Variants in RALGPS1 observed in about 807,000 individuals in gnomAD.
RALGPS1 encodes the protein Ral GEF with PH domain and SH3 binding motif 1.
Under a neutral mutation model 78.8 loss-of-function variants are expected in RALGPS1, and 19 were observed. The observed-to-expected ratio is 0.24, with a 90% CI of 0.17 to 0.35. RALGPS1 has a LOEUF of 0.35. Ranked by LOEUF, RALGPS1 falls within the 10% of genes least tolerant of loss-of-function variation. The probability of loss-of-function intolerance (pLI) is 1.00; values close to 1 mark genes in which losing one functional copy is unlikely to be tolerated. For synonymous variants in RALGPS1, 228 were observed against 256.3 expected (o/e 0.89, Z 1.06); for missense variants, 454 against 688.3 (o/e 0.66, Z 3.81).
At chr9:126,979,543 C>G (rs2041037480) in intron 4 of RALGPS1, among the ~76,000 whole-genome samples, 1 of 152,162 alleles carries the variant, frequency 6.6e-6, no homozygotes, top group Non-Finnish European at 1.5e-5. Context: ...CTTTATTCTT[C>G]ATCCGAACAT....
intron 11 of RALGPS1, among the ~76,000 whole-genome samples, chr9:127,186,851 A>T (rs1027442844): frequency 6.6e-6 from 1 of 152,176 alleles, no homozygotes; most frequent in African/African-American, 2.4e-5. Flanking sequence ...CCGAAAGAAG[A>T]GGTGGCAGAT....
intron 4 of RALGPS1, among the ~76,000 whole-genome samples, chr9:126,983,140 T>C (rs2041481789): frequency 6.6e-6 from 1 of 151,888 alleles, no homozygotes; most frequent in East Asian, 1.9e-4. Flanking sequence ...TTTCACCACG[T>C]TGGCCAGGCT....
intron 7 of RALGPS1, among the ~76,000 whole-genome samples, chr9:127,061,823 G>A (rs551049949): frequency 6.8e-4 from 104 of 152,200 alleles, no homozygotes; most frequent in African/African-American, 2.2e-3. Flanking sequence ...TATATTTGGT[G>A]CCTGACTCTC....
At chr9:126,983,592 A>T (rs2041524794) in intron 4 of RALGPS1, among the ~76,000 whole-genome samples, 1 of 152,108 alleles carries the variant, frequency 6.6e-6, no homozygotes, top group Non-Finnish European at 1.5e-5. Context: ...TCAAAAACAA[A>T]CAAAACCCAC....
Position 127,175,799 on chromosome 9 carries a change from G to T in RALGPS1, c.910+1017G>T, listed in dbSNP as rs1459448667. Among the ~76,000 whole-genome samples, 8 of 151,334 alleles carry T rather than the reference G, an allele frequency of 5.3e-5. No individual in the cohort carries two copies. The Admixed American group carries it at 5.3e-4, about 10-fold the overall frequency. On this transcript the variant is annotated intron_variant, in intron 11 of 18. Coordinates refer to ENST00000259351, the MANE Select transcript of RALGPS1 (RefSeq NM_014636.3). ...AGGCACTCGGCTCAGAGTCTGATGT[G>T]CCCTGTTTGTAAGGGGGTGGCTGCT...
intron 3 of RALGPS1, among the ~76,000 whole-genome samples, chr9:126,966,184 G>A (rs1303642578): frequency 3.3e-5 from 5 of 152,164 alleles, no homozygotes; most frequent in Admixed American, 6.5e-5. Context: ...TGTGAAAGGA[G>A]CAGACTAAAG....
At chr9:126,940,307 C>T (rs569068626) in intron 1 of RALGPS1, among the ~76,000 whole-genome samples, 64 of 152,202 alleles carry the variant, frequency 4.2e-4, no homozygotes, top group African/African-American at 1.3e-3. Flanking sequence ...CATTATAAAC[C>T]TATGATTGAA....
intron 1 of RALGPS1, among the ~76,000 whole-genome samples, chr9:126,960,374 C>T (rs1335860910): frequency 6.6e-6 from 1 of 151,704 alleles, no homozygotes; most frequent in Non-Finnish European, 1.5e-5. Flanking sequence ...GCTGGGACTA[C>T]AGGCGCCTGC....
chr9:127,113,461 G>T (rs1021820264), intron 8 of RALGPS1, among the ~76,000 whole-genome samples: 4 of 151,308 alleles, frequency 2.6e-5, no homozygotes, highest in African/African-American at 9.7e-5. Context: ...TTGCTCTCTT[G>T]ATATTTATTC....
intron 1 of RALGPS1, among the ~76,000 whole-genome samples, chr9:126,947,652 TCC>T (rs1374389358): frequency 6.6e-6 from 1 of 152,132 alleles, no homozygotes; most frequent in African/African-American, 2.4e-5. Context: ...TGGTTCTCTG[TCC>T]CCTAAGCCAC....
chr9:127,023,245 A>G (rs1177166022), intron 4 of RALGPS1, among the ~76,000 whole-genome samples: 1 of 152,224 alleles, frequency 6.6e-6, no homozygotes, highest in Admixed American at 6.5e-5. Flanking sequence ...AAAGCAGGAA[A>G]GTCCAGTTGT....
At chr9:126,950,612 A>G (rs1361176413) in intron 1 of RALGPS1, among the ~76,000 whole-genome samples, 1 of 152,094 alleles carries the variant, frequency 6.6e-6, no homozygotes, top group East Asian at 1.9e-4. Context: ...GTTCTTTGAA[A>G]CCAACGAGAA....
chr9:127,183,860 T>C lies in RALGPS1; in HGVS notation c.910+9078T>C. The C allele has an allele frequency of 1.3e-6, 2 of 1,546,852 alleles. No homozygotes were observed. The highest frequency in any genetic ancestry group is 1.7e-6 in the Non-Finnish European group (2 of 1,145,904). ...CTCTGGGATTTCACATCTCCTTTGT[T>C]CTTGAGTCTCCCATCTCAGCAGCCT... is the stretch of plus-strand genomic sequence containing the variant. On this transcript the variant is annotated intron_variant, in intron 11 of 18. Transcript: ENST00000259351. This position sits in a 1 kb window ranked among gnomAD's most constrained non-coding sequence, Gnocchi z 4.0.
chr9:127,031,751 G>A (rs2046449488), intron 4 of RALGPS1, among the ~76,000 whole-genome samples: 1 of 152,158 alleles, frequency 6.6e-6, no homozygotes, highest in Non-Finnish European at 1.5e-5. Context: ...CAAACATAAT[G>A]TTTTACTCTG....
At chr9:127,154,087 C>T (rs2058581496) in intron 8 of RALGPS1, among the ~76,000 whole-genome samples, 1 of 152,252 alleles carries the variant, frequency 6.6e-6, no homozygotes, top group Non-Finnish European at 1.5e-5. Flanking sequence ...CACACAAGAC[C>T]AGACTAACAA....
chr9:127,068,938 G>C (rs1483615607), intron 7 of RALGPS1, among the ~76,000 whole-genome samples: 2 of 152,220 alleles, frequency 1.3e-5, no homozygotes, highest in Non-Finnish European at 2.9e-5. Context: ...TATGGCAATG[G>C]TAAACTGACG....
chr9:127,022,207 G>A (rs1406521124), intron 4 of RALGPS1, among the ~76,000 whole-genome samples: 1 of 151,996 alleles, frequency 6.6e-6, no homozygotes, highest in African/African-American at 2.4e-5. Flanking sequence ...GGGTTCTGGG[G>A]CCTCGGGAGG....
chr9:127,174,994 G>C (rs779428672), intron 11 of RALGPS1, among the ~76,000 whole-genome samples: 1 of 152,208 alleles, frequency 6.6e-6, no homozygotes, highest in Non-Finnish European at 1.5e-5. Context: ...CTCCCTGGAA[G>C]AGCCTGAGTG....
At chr9:127,217,819 T>C (rs2062659039) in intron 18 of RALGPS1, 1 of 152,278 alleles carries the variant, frequency 6.6e-6, no homozygotes, top group Non-Finnish European at 1.5e-5. Flanking sequence ...TGCATTTTCT[T>C]GTGTCTTGCT....
Sources: allele counts gnomAD v4.1 joint callset (sites outside exome capture counted in the v4.1 genomes callset), GRCh38; gene constraint gnomAD v4.1.1; non-coding constraint Gnocchi (gnomAD v3.1); transcripts MANE v1.5; gene names NCBI Gene and HGNC (gene_info 2026-07-23, HGNC 2026-07-21).